DOCK4: variants seen among roughly 807,000 people sequenced by gnomAD.
DOCK4 encodes dedicator of cytokinesis protein 4.
Under a neutral mutation model 268.1 loss-of-function variants are expected in DOCK4, and 97 were observed. The observed-to-expected ratio is 0.36, with a 90% CI of 0.31 to 0.43. DOCK4 has a LOEUF of 0.43. Among genes scored for constraint, DOCK4 ranks in the 20% least tolerant of loss-of-function variants. The probability of loss-of-function intolerance (pLI) is 1.00; values close to 1 mark genes in which losing one functional copy is unlikely to be tolerated. For synonymous variants in DOCK4, 954 were observed against 887.2 expected, an observed-to-expected ratio of 1.08 and a Z score of -1.34; for missense variants, 2,145 against 2,455.7, an observed-to-expected ratio of 0.87 and a Z score of 2.67.
At chr7:112,011,665 C>T (rs1047791606) in intron 1 of DOCK4, among the ~76,000 whole-genome samples, 1 of 144,852 alleles carries the variant, frequency 6.9e-6, no homozygotes, top group Non-Finnish European at 1.5e-5. Flanking sequence ...TCCAAAGGGT[C>T]ATAAACAGGC....
At position 111,736,848 on chromosome 7, in the gene DOCK4, A is replaced by G. The variant is rs145638553; in HGVS notation, c.5305+69T>C. 80 of 1,381,918 alleles carry G rather than the reference A, an allele frequency of 5.8e-5. No homozygotes were observed. The East Asian group carries it at 2.0e-3, about 34-fold the overall frequency. 85.6% of individuals were successfully genotyped at this position (1,381,918 alleles called of 1,614,324 possible). ...CACTGCTTTCCACACAGACACACAG[A>G]AGACTGGAGAACATGAGGATAAAAC... On this transcript the variant is annotated intron_variant, in intron 50 of 52. Transcript: ENST00000428084.
At chr7:111,879,840 G>C (rs1586251433) in intron 16 of DOCK4, among the ~76,000 whole-genome samples, 1 of 152,156 alleles carries the variant, frequency 6.6e-6, no homozygotes, top group East Asian at 1.9e-4. Context: ...AGAAAGAATT[G>C]GGAAGCTTGA....
intron 32 of DOCK4, among the ~76,000 whole-genome samples, chr7:111,784,882 T>A (rs1444771223): frequency 6.6e-6 from 1 of 152,216 alleles, no homozygotes; most frequent in Non-Finnish European, 1.5e-5. Context: ...ATCTTATTTG[T>A]CTTTCATCTT....
chr7:111,766,393 C>T (rs1797762160), intron 38 of DOCK4, among the ~76,000 whole-genome samples: 1 of 152,014 alleles, frequency 6.6e-6, no homozygotes, highest in African/African-American at 2.4e-5. Flanking sequence ...CCCTGAAGAA[C>T]TGAAGCACTC....
intron 14 of DOCK4, 119 bp from the exon 15 acceptor site, chr7:111,900,655 G>C: frequency 2.8e-6 from 3 of 1,055,880 alleles, no homozygotes; most frequent in Admixed American, 2.6e-5. Context: ...AAATTACCTC[G>C]CTGGGCCTTT....
intron 1 of DOCK4, among the ~76,000 whole-genome samples, chr7:112,011,746 C>CAA (rs1302082225): frequency 0.046 from 2,572 of 55,786 alleles, 112 homozygotes; most frequent in East Asian, 0.12. Flanking sequence ...AACTGAAGGT[C>CAA]AAAAAAAAAA....
At position 111,846,662 on chromosome 7, in the gene DOCK4, C is replaced by T. The variant is rs1035795973; in HGVS notation, c.2601+337G>A. Among the ~76,000 whole-genome samples, 5 of 151,854 alleles carry T rather than the reference C, an allele frequency of 3.3e-5. 1 individual carries two copies. The highest frequency in any genetic ancestry group is 2.0e-4 in the Admixed American group (3 of 15,270). On this transcript the variant is annotated intron_variant, in intron 24 of 52. Coordinates refer to ENST00000428084, the MANE Select transcript of DOCK4 (RefSeq NM_001363540.2). ...CTTTCACAGAATGGATCAAAAACGA[C>T]TTCATGTTGCAAGCAGTAATTTATT...
chr7:111,867,834 A>T, intron 22 of DOCK4, 150 bp downstream of exon 22: 1 of 765,456 alleles, frequency 1.3e-6, no homozygotes, highest in Non-Finnish European at 1.9e-6. Context: ...GGGGAATTTT[A>T]AAAGTCTACT....
At chr7:111,925,443 T>C (rs572817543) in intron 12 of DOCK4, among the ~76,000 whole-genome samples, 2 of 152,224 alleles carry the variant, frequency 1.3e-5, no homozygotes, top group South Asian at 2.1e-4. Context: ...AGGTATTAAG[T>C]GAGACAATAC....
intron 1 of DOCK4, among the ~76,000 whole-genome samples, chr7:112,115,744 C>T (rs891381156): frequency 3.3e-5 from 5 of 152,122 alleles, no homozygotes; most frequent in Admixed American, 2.0e-4. Context: ...TGCAGTGGTG[C>T]GATCATAGGT....
At position 111,906,146 on chromosome 7, in the gene DOCK4, T is replaced by C. The variant is rs114962936; in HGVS notation, c.1193-4345A>G. On this transcript the variant is annotated intron_variant, in intron 13 of 52. Transcript: ENST00000428084. Reference sequence around the variant, plus strand: ...TGGCCATCAAATAAGCTACTGCAATTCAGCCTTTGTCAGGAGAAGTGACTT... The same window carrying C: ...TGGCCATCAAATAAGCTACTGCAATCCAGCCTTTGTCAGGAGAAGTGACTT... Among the ~76,000 whole-genome samples the C allele has an allele frequency of 9.4e-3, 1,430 of 152,228 alleles. 28 individuals are homozygous for C. The highest frequency in any genetic ancestry group is 0.033 in the African/African-American group (1,366 of 41,518).
rs192623778 is a variant in DOCK4, at chr7:111,987,053, G to T, written c.464+1962C>A. On this transcript the variant is annotated intron_variant, in intron 6 of 52. Coordinates refer to ENST00000428084, the MANE Select transcript of DOCK4 (RefSeq NM_001363540.2). ...GGAATAAGGTAAATTCATAATCTCT[G>T]TACTGTAAGTTATTTTAAAATAAAC... 3.9e-5 allele frequency among the ~76,000 whole-genome samples: 6 copies of T among 152,284 alleles called. No homozygotes were observed. In the East Asian group the frequency reaches 1.2e-3, roughly 29 times the overall value.
chr7:111,768,047 T>G (rs1187884218), intron 37 of DOCK4, among the ~76,000 whole-genome samples: 1 of 152,210 alleles, frequency 6.6e-6, no homozygotes, highest in East Asian at 1.9e-4. Context: ...AGCATGGCTG[T>G]GTTCCAATAA....
chr7:111,877,419 T>G (rs1004570527), intron 16 of DOCK4, among the ~76,000 whole-genome samples: 3 of 152,218 alleles, frequency 2.0e-5, no homozygotes, highest in African/African-American at 7.2e-5. Context: ...CCCATGTGAG[T>G]GACCATATCA....
intron 1 of DOCK4, among the ~76,000 whole-genome samples, chr7:112,052,479 A>G (rs1805455356): frequency 1.3e-5 from 2 of 152,040 alleles, no homozygotes; most frequent in South Asian, 4.1e-4. Flanking sequence ...CTTCGGGCAT[A>G]TAATGTATTA....
At position 111,993,783 on chromosome 7, in the gene DOCK4, AGAATTT is replaced by A. The variant is rs531043139; in HGVS notation, c.315+346_315+351del. Among the ~76,000 whole-genome samples the A allele has an allele frequency of 1.7e-3, 263 of 152,340 alleles. 3 individuals carry two copies. Among genetic ancestry groups the A allele is most frequent in the African/African-American group, 6.1e-3 (255 of 41,588 alleles). On this transcript the variant is annotated intron_variant, in intron 5 of 52. Coordinates refer to ENST00000428084, the MANE Select transcript of DOCK4 (RefSeq NM_001363540.2). ...TTTACAGTATACTTGAATTACTTACAGAATTTGAATTTGATAAAATACCAAAGCCAC... is the reference window on the plus strand; with the variant it reads ...TTTACAGTATACTTGAATTACTTACAGAATTTGATAAAATACCAAAGCCAC...
chr7:111,884,060 T>G (rs1330082622), intron 16 of DOCK4, among the ~76,000 whole-genome samples: 1 of 152,184 alleles, frequency 6.6e-6, no homozygotes, highest in Non-Finnish European at 1.5e-5. Flanking sequence ...GGTTCAAATC[T>G]GATTTTTTTA....
intron 35 of DOCK4, among the ~76,000 whole-genome samples, chr7:111,779,210 G>A (rs1036396633): frequency 1.3e-5 from 2 of 152,002 alleles, no homozygotes; most frequent in East Asian, 1.9e-4. Flanking sequence ...TTTCCTATGC[G>A]TTGGACTTCA....
intron 1 of DOCK4, among the ~76,000 whole-genome samples, chr7:112,116,233 T>G (rs1317539243): frequency 6.6e-6 from 1 of 152,174 alleles, no homozygotes; most frequent in African/African-American, 2.4e-5. Context: ...TTACCTATTC[T>G]GGATATTTCA....
Sources: allele counts gnomAD v4.1 joint callset (sites outside exome capture counted in the v4.1 genomes callset), GRCh38; gene constraint gnomAD v4.1.1; transcripts MANE v1.5; gene names NCBI Gene and HGNC (gene_info 2026-07-23, HGNC 2026-07-21).